CNBD2: variants seen among roughly 807,000 people sequenced by gnomAD.
CNBD2 encodes cyclic nucleotide binding domain containing 2.
Under a neutral mutation model 63.7 loss-of-function variants are expected in CNBD2, and 64 were observed. The ratio of observed to expected loss-of-function variants is 1.00; its 90% CI spans 0.82 to 1.24. CNBD2 has a LOEUF of 1.24. Ranked by LOEUF, CNBD2 falls within the 50% of genes most tolerant of loss-of-function variation. The pLI is 0.00. For synonymous variants in CNBD2, 229 were observed against 255.4 expected, an observed-to-expected ratio of 0.90 and a Z score of 0.99; for missense variants, 691 against 713.5, an observed-to-expected ratio of 0.97 and a Z score of 0.36.
chr20:35,980,760 C>A, intron 4 of CNBD2, 138 bp downstream of exon 4: 1 of 715,254 alleles, frequency 1.4e-6, no homozygotes, highest in South Asian at 1.9e-5. Flanking sequence ...CCATTCACTT[C>A]AGCTCCCACT....
rs553714498 is a variant in CNBD2 at position 36,014,039 on chromosome 20, C to T, written c.1269+2782C>T. On this transcript the variant is annotated intron_variant, in intron 10 of 11. Transcript: ENST00000373973. ...TACTAAAAGTACAAAAAAAATTAGC[C>T]GGGCGTGGTGGCAGGCACCTGTAAT... 7.0e-4 allele frequency among the ~76,000 whole-genome samples: 106 copies of T among 151,810 alleles called. 3 individuals are homozygous for T. In the East Asian group the frequency reaches 0.019, roughly 27 times the overall value.
chr20:35,989,664 G>C (rs910428805), intron 7 of CNBD2, among the ~76,000 whole-genome samples: 3 of 152,126 alleles, frequency 2.0e-5, no homozygotes, highest in Admixed American at 2.0e-4. Flanking sequence ...GGTAAACATA[G>C]TAATTATTAC....
chr20:36,010,832 C>A (rs1249916723), intron 9 of CNBD2, among the ~76,000 whole-genome samples: 1 of 152,098 alleles, frequency 6.6e-6, no homozygotes, highest in African/African-American at 2.4e-5. Flanking sequence ...CCAGCCTGGA[C>A]TTCCCACCCA....
At chr20:35,997,992 G>A (rs2056847489) in intron 8 of CNBD2, among the ~76,000 whole-genome samples, 1 of 151,278 alleles carries the variant, frequency 6.6e-6, no homozygotes, top group South Asian at 2.1e-4. Context: ...CCAAGCATTT[G>A]GGGGATTATC....
intron 10 of CNBD2, among the ~76,000 whole-genome samples, chr20:36,022,756 A>G (rs1248998217): frequency 6.6e-6 from 1 of 151,924 alleles, no homozygotes; most frequent in African/African-American, 2.4e-5. Flanking sequence ...TCAGCCTGGG[A>G]CTACAGGCAT....
At position 36,030,399 on chromosome 20, in the gene CNBD2, G is replaced by C. The variant is rs1568939472; in HGVS notation, c.1482G>C (p.Trp494Cys). Residue 494 changes from tryptophan to cysteine, a missense_variant, in exon 12 of 12, where the codon TGG becomes TGC. By Grantham distance (215) the Trp-to-Cys change is radical. Transcript: ENST00000373973. ...AGAAGTTCCTCCAGCAGAACAGCTG[G>C]AATATCTTTCGGAAGGACCTGTTGC... Reference protein sequence around the residue: ...MCQKFLQQNSWNIFRKDLLQL... With the variant: ...MCQKFLQQNSCNIFRKDLLQL... The C allele has an allele frequency of 6.2e-7, 1 of 1,614,042 alleles. No individual in the cohort carries two copies. Among genetic ancestry groups the C allele is most frequent in the African/African-American group, 1.3e-5 (1 of 74,916 alleles).
chr20:36,013,669 T>C (rs1601091932), intron 10 of CNBD2, among the ~76,000 whole-genome samples: 1 of 152,172 alleles, frequency 6.6e-6, no homozygotes, highest in African/African-American at 2.4e-5. Context: ...TTAACAATAC[T>C]TCTACTACTA....
At chr20:36,017,740 C>T (rs1470610868) in intron 10 of CNBD2, among the ~76,000 whole-genome samples, 2 of 152,184 alleles carry the variant, frequency 1.3e-5, no homozygotes, top group African/African-American at 4.8e-5. Flanking sequence ...TTCATATTCA[C>T]GCAGAGTGGC....
intron 10 of CNBD2, among the ~76,000 whole-genome samples, chr20:36,017,093 G>A (rs1041157460): frequency 8.6e-5 from 13 of 151,640 alleles, no homozygotes; most frequent in African/African-American, 3.1e-4. Flanking sequence ...TTGTGGGAGC[G>A]AGGGCAGTAT....
At chr20:35,998,648 C>A (rs1463185474) in intron 8 of CNBD2, among the ~76,000 whole-genome samples, 1 of 151,930 alleles carries the variant, frequency 6.6e-6, no homozygotes, top group Non-Finnish European at 1.5e-5. Context: ...GCGGGCAGAT[C>A]ACCTGAGGTC....
exon 1 of CNBD2, chr20:35,954,950 T>G (rs1600995761): frequency 9.1e-6 from 2 of 220,228 alleles, no homozygotes; most frequent in South Asian, 1.2e-4. Context: ...GTCCTCTCGC[T>G]TGGTCAAACT....
chr20:35,978,065 G>A (rs907484596), intron 3 of CNBD2, among the ~76,000 whole-genome samples: 2 of 152,164 alleles, frequency 1.3e-5, no homozygotes, highest in African/African-American at 4.8e-5. Context: ...TGCAGCAACT[G>A]TCAGACAGTG....
intron 4 of CNBD2, among the ~76,000 whole-genome samples, chr20:35,980,872 G>A (rs925590889): frequency 1.3e-5 from 2 of 152,220 alleles, no homozygotes; most frequent in Admixed American, 6.5e-5. Context: ...GAGAGGATCT[G>A]GTCCAATTCC....
chr20:35,995,074 G>T lies in CNBD2; in HGVS notation c.892G>T (p.Ala298Ser), dbSNP rs762395007. ...CEVLRLLDLG[A>S]SPSYRRWIWQ... ...AGTCCTGCGGCTGTTGGACCTTGGGGCCTCCCCTTCCTACCGTAGATGGAT... is the reference window on the plus strand; with the variant it reads ...AGTCCTGCGGCTGTTGGACCTTGGGTCCTCCCCTTCCTACCGTAGATGGAT... The change falls in exon 8 of 12, where the codon GCC becomes TCC. Residue 298 changes from alanine to serine, a missense_variant. Transcript: ENST00000373973. 17 of 1,614,120 alleles carry T rather than the reference G, an allele frequency of 1.1e-5. No homozygotes were observed.
intron 8 of CNBD2, among the ~76,000 whole-genome samples, chr20:36,005,499 C>A (rs915338142): frequency 6.6e-6 from 1 of 152,102 alleles, no homozygotes; most frequent in Non-Finnish European, 1.5e-5. Flanking sequence ...ATTGGGGACC[C>A]CTGAAATAGT....
At chr20:36,022,713 C>T (rs2057233066) in intron 10 of CNBD2, among the ~76,000 whole-genome samples, 1 of 152,004 alleles carries the variant, frequency 6.6e-6, no homozygotes, top group Admixed American at 6.6e-5. Context: ...TCACTGCAAC[C>T]TCTACCTCCT....
chr20:36,023,881 A>T (rs1224102738), intron 11 of CNBD2, 110 bp downstream of exon 11: 1 of 947,608 alleles, frequency 1.1e-6, no homozygotes, highest in African/African-American at 1.7e-5. Flanking sequence ...CAAGGGTGAA[A>T]TGAAACTGGG....
chr20:35,971,806 G>T (rs2056422500), intron 1 of CNBD2, among the ~76,000 whole-genome samples: 1 of 152,132 alleles, frequency 6.6e-6, no homozygotes, highest in Admixed American at 6.6e-5. Context: ...TTAATCTAGA[G>T]CAGCCCCCAT....
intron 2 of CNBD2, among the ~76,000 whole-genome samples, chr20:35,962,074 A>G (rs1179539082): frequency 6.6e-6 from 1 of 152,090 alleles, no homozygotes. Context: ...AGCGTTCTCT[A>G]TTGGCATTAA....
Sources: gnomAD v4.1 joint callset for allele counts (sites outside exome capture counted in the v4.1 genomes callset) on GRCh38, gnomAD v4.1.1 for gene constraint, MANE v1.5 for transcripts, NCBI Gene and HGNC (gene_info 2026-07-23, HGNC 2026-07-21) for gene names.